The following PHAF1 variants were observed in gnomAD, a reference collection of about 807,000 sequenced individuals.
PHAF1 encodes phagosome assembly factor 1.
PHAF1 carries 23 observed loss-of-function variants against 63.1 expected under a neutral mutation model. That is an observed-to-expected ratio of 0.36 (90% CI 0.26 to 0.52). PHAF1 has a LOEUF of 0.52. Among genes scored for constraint, PHAF1 ranks in the 20% least tolerant of loss-of-function variants. PHAF1 has a pLI of 0.93. For missense variants in PHAF1, 427 were observed against 517.2 expected (o/e 0.83, Z 1.69); for synonymous variants, 167 against 185.0 (o/e 0.90, Z 0.79).
intron 3 of PHAF1, among the ~76,000 whole-genome samples, chr16:67,126,595 G>GTTTTTTTTTTTTTTTTTTT (rs60445297): frequency 3.0e-5 from 4 of 134,204 alleles, no homozygotes; most frequent in African/African-American, 8.4e-5. Context: ...TTTGTTTTTG[G>GTTTTTTTTTTTTTTTTTTT]TTTTTTTTTT....
intron 10 of PHAF1, among the ~76,000 whole-genome samples, chr16:67,143,212 A>C (rs1471428123): frequency 6.6e-6 from 1 of 152,210 alleles, no homozygotes; most frequent in Non-Finnish European, 1.5e-5. Flanking sequence ...TGTGGAATTC[A>C]GAATAGTCAA....
chr16:67,111,574 G>A (rs1962516893), intron 1 of PHAF1, among the ~76,000 whole-genome samples: 1 of 152,218 alleles, frequency 6.6e-6, no homozygotes, highest in Non-Finnish European at 1.5e-5. Context: ...AGGCCCTGCT[G>A]ATGCTTAGTG....
At chr16:67,142,386 C>T (rs1963846941) in intron 10 of PHAF1, among the ~76,000 whole-genome samples, 1 of 152,244 alleles carries the variant, frequency 6.6e-6, no homozygotes, top group South Asian at 2.1e-4. Flanking sequence ...CAGCCCGGCC[C>T]CCAGGCCTCA....
intron 1 of PHAF1, among the ~76,000 whole-genome samples, chr16:67,117,785 A>G (rs1361992590): frequency 6.7e-6 from 1 of 148,370 alleles, no homozygotes. Context: ...AAAAAGAGAT[A>G]TTCAGGAATG....
intron 1 of PHAF1, among the ~76,000 whole-genome samples, chr16:67,115,923 C>T (rs1000369818): frequency 5.9e-5 from 9 of 152,200 alleles, no homozygotes; most frequent in Admixed American, 2.0e-4. Context: ...GAGGCCGAGA[C>T]GGGAGGATAG....
intron 1 of PHAF1, among the ~76,000 whole-genome samples, chr16:67,110,872 G>T (rs1356551145): frequency 1.3e-5 from 2 of 152,198 alleles, no homozygotes; most frequent in African/African-American, 2.4e-5. Flanking sequence ...GTGCTGTTGC[G>T]TGATCTTGGC....
At chr16:67,146,186 G>C in intron 14 of PHAF1, 92 bp from the exon 15 acceptor site, 2 of 1,135,086 alleles carry the variant, frequency 1.8e-6, no homozygotes, top group South Asian at 1.2e-5. Flanking sequence ...GAGACTACTG[G>C]CCAGTATCCC....
chr16:67,112,381 CAAA>C (rs964546436), intron 1 of PHAF1, among the ~76,000 whole-genome samples: 2 of 45,370 alleles, frequency 4.4e-5, no homozygotes, highest in Non-Finnish European at 9.0e-5. Flanking sequence ...TCGTTTCTAC[CAAA>C]AAAAAAAAAA....
chr16:67,140,764 G>A (rs2145882777), intron 10 of PHAF1, among the ~76,000 whole-genome samples, 170 bp downstream of exon 10: 1 of 152,352 alleles, frequency 6.6e-6, no homozygotes, highest in East Asian at 1.9e-4. Flanking sequence ...CTCCAAAGTA[G>A]ACCTTGCCTG....
chr16:67,132,636 G>A (rs62624497), intron 5 of PHAF1, 111 bp downstream of exon 5: 11 of 1,323,212 alleles, frequency 8.3e-6, no homozygotes, highest in Non-Finnish European at 1.2e-5. Flanking sequence ...CCATAGGATT[G>A]TGGGGTTGGT....
chr16:67,146,343 T>A lies in PHAF1; in HGVS notation c.1175T>A (p.Ile392Asn). The A allele has an allele frequency of 6.2e-7, 1 of 1,613,996 alleles. No homozygotes were observed. The highest frequency in any genetic ancestry group is 8.5e-7 in the Non-Finnish European group (1 of 1,179,846). The change falls in exon 15 of 16, where the codon ATC (isoleucine) becomes AAC (asparagine). Residue 392 changes from isoleucine to asparagine, a missense_variant. Physicochemically the swap from Ile to Asn is moderately radical, Grantham distance 149 (BLOSUM62 -3). Coordinates refer to ENST00000219139, the MANE Select transcript of PHAF1 (RefSeq NM_025187.5). ...TTCTGCTTTGGTCTTCAGCGAATGA[T>A]CTTTGAGGTAAGCTGTGGAAGCCCT... is the stretch of plus-strand genomic sequence containing the variant. ...STFCFGLQRMIFEVMQNNHIA... is the reference protein window; with the variant it reads ...STFCFGLQRMNFEVMQNNHIA...
intron 12 of PHAF1, among the ~76,000 whole-genome samples, chr16:67,145,140 G>T (rs1203485659): frequency 6.6e-6 from 1 of 152,044 alleles, no homozygotes; most frequent in East Asian, 1.9e-4. Context: ...CATCCAGGGG[G>T]CCCCAGCCCA....
chr16:67,130,346 C>CTT (rs34430310), intron 3 of PHAF1, among the ~76,000 whole-genome samples: 6,003 of 74,980 alleles, frequency 0.08, 882 homozygotes, highest in African/African-American at 0.25. Flanking sequence ...CGTGCCCGGC[C>CTT]TTTTTTTTTT....
At chr16:67,144,725 C>A in intron 11 of PHAF1, 109 bp from the exon 12 acceptor site, 1 of 1,275,058 alleles carries the variant, frequency 7.8e-7, no homozygotes, top group Non-Finnish European at 1.1e-6. Flanking sequence ...AGAGCCAGGG[C>A]TTTGGGCAGG....
At chr16:67,128,141 A>G (rs1439463526) in intron 3 of PHAF1, among the ~76,000 whole-genome samples, 1 of 152,152 alleles carries the variant, frequency 6.6e-6, no homozygotes, top group Non-Finnish European at 1.5e-5. Flanking sequence ...AAACCGAGGG[A>G]CAGAGAGGAT....
At chr16:67,132,292 C>T in intron 4 of PHAF1, 154 bp from the exon 5 acceptor site, 1 of 673,564 alleles carries the variant, frequency 1.5e-6, no homozygotes, top group Non-Finnish European at 2.5e-6. Context: ...CATTAATGCT[C>T]TTATTTAAAA....
Position 67,110,096 on chromosome 16 carries a change from C to T in PHAF1, c.-80C>T. The T allele has an allele frequency of 2.1e-6, 3 of 1,457,020 alleles. No individual in the cohort carries two copies. Among genetic ancestry groups the T allele is most frequent in the Non-Finnish European group, 2.8e-6 (3 of 1,081,876 alleles). The allele number at this position is 1,457,020 out of a possible 1,614,324, so 90.3% of individuals were successfully genotyped here. On this transcript the variant is annotated 5_prime_UTR_variant, in exon 1 of 16. Transcript: ENST00000219139. ...TGGCGGGCCGGCGGGGGCGGCCTGT[C>T]AGCCGCTGCTTTGTCTCCTTAGCTC...
intron 6 of PHAF1, among the ~76,000 whole-genome samples, chr16:67,133,125 C>T (rs1025945226): frequency 1.3e-5 from 2 of 152,168 alleles, no homozygotes; most frequent in South Asian, 4.1e-4. Context: ...GAGGATACTT[C>T]CCACAATGGA....
chr16:67,120,440 T>A (rs1027624365), intron 2 of PHAF1, among the ~76,000 whole-genome samples: 1 of 152,040 alleles, frequency 6.6e-6, no homozygotes, highest in Admixed American at 6.6e-5. Context: ...TCAACTTGCC[T>A]ACAGGCCCTT....
Sources: gnomAD v4.1 joint callset for allele counts (sites outside exome capture counted in the v4.1 genomes callset) on GRCh38, gnomAD v4.1.1 for gene constraint, MANE v1.5 for transcripts, NCBI Gene and HGNC (gene_info 2026-07-23, HGNC 2026-07-21) for gene names.